Variants in CUBN observed in about 807,000 individuals in gnomAD.
CUBN encodes the protein 460 kDa receptor.
In CUBN, 282 loss-of-function variants were observed where a neutral mutation model predicts 405.3. The observed-to-expected ratio is 0.70, with a 90% CI of 0.63 to 0.77. The LOEUF (loss-of-function observed/expected upper bound fraction) is 0.77. Among genes scored for constraint, CUBN ranks in the 30% least tolerant of loss-of-function variants. The pLI, the probability that CUBN is intolerant of heterozygous loss-of-function variation, is 0.00. For missense variants in CUBN, 4,514 were observed against 4,475.2 expected, an observed-to-expected ratio of 1.01 and a Z score of -0.25; for synonymous variants, 1,684 against 1,617.0, an observed-to-expected ratio of 1.04 and a Z score of -0.99.
intron 57 of CUBN, among the ~76,000 whole-genome samples, chr10:16,876,351 T>C (rs920517718): frequency 3.3e-5 from 5 of 152,234 alleles, no homozygotes; most frequent in Non-Finnish European, 7.3e-5. Context: ...GTCCAGTCTA[T>C]TGCTCCTCTT....
chr10:16,907,681 T>C lies in CUBN; in HGVS notation c.7534-2A>G, dbSNP rs747907886. 3 of 1,611,814 alleles carry C rather than the reference T, an allele frequency of 1.9e-6. No individual in the cohort carries two copies. Among genetic ancestry groups the C allele is most frequent in the Non-Finnish European group, 2.5e-6 (3 of 1,179,776 alleles). On this transcript the variant is annotated splice_acceptor_variant, in intron 48 of 66. Coordinates refer to ENST00000377833, the MANE Select transcript of CUBN (RefSeq NM_001081.4). LOFTEE classifies it high-confidence loss of function. The stretch of plus-strand genomic sequence containing the variant: ...GTTACTTCTAATGCCATTGAATACC[T>C]GTTGGAAAAAGAGTTTAACCTTCAG...
At chr10:16,834,562 A>G (rs571376606) in intron 64 of CUBN, among the ~76,000 whole-genome samples, 1 of 152,344 alleles carries the variant, frequency 6.6e-6, no homozygotes, top group Non-Finnish European at 1.5e-5. Flanking sequence ...ACGATGCCCC[A>G]AACTTACTGT....
chr10:16,993,438 C>T (rs111269242), intron 28 of CUBN, among the ~76,000 whole-genome samples: 3,005 of 152,124 alleles, frequency 0.02, 37 homozygotes, highest in Non-Finnish European at 0.032. Flanking sequence ...TACTAATACC[C>T]TTAAATTGTC....
Position 16,900,776 on chromosome 10 carries a change from C to T in CUBN, c.8259G>A (p.Gly2753=), listed in dbSNP as rs2131420704. 6.2e-7 allele frequency: 1 copy of T among 1,613,954 alleles called. No homozygotes were observed. The highest frequency in any genetic ancestry group is 1.3e-5 in the African/African-American group (1 of 74,988). Residue 2753 remains glycine, a synonymous_variant, in exon 53 of 67, where the codon GGG becomes GGA. Coordinates refer to ENST00000377833, the MANE Select transcript of CUBN (RefSeq NM_001081.4). ...AWDSVTVRNG[G]SPESPIIGQY... ...GTCCTATGATGGGTGATTCAGGGGA[C>T]CCACCATTCCTGACAGTGACAGAGT...
Position 16,933,279 on chromosome 10 carries a change from A to T in CUBN, c.5932T>A (p.Cys1978Ser), listed in dbSNP as rs1378026742. The T allele has an allele frequency of 6.2e-7, 1 of 1,613,324 alleles. No individual in the cohort carries two copies. The highest frequency in any genetic ancestry group is 1.3e-5 in the African/African-American group (1 of 74,896). Residue 1978 changes from cysteine (C) to serine (S), a missense_variant, in exon 40 of 67, where the codon TGT (cysteine) becomes AGT (serine). Cys to Ser is a moderately radical substitution (Grantham distance 112). Coordinates refer to ENST00000377833, the MANE Select transcript of CUBN (RefSeq NM_001081.4). ...GVLPTIAPGA[C>S]GGFLRTGDAP... The stretch of plus-strand genomic sequence containing the variant: ...TCTCCCGTCCTCAGGAAGCCACCAC[A>T]AGCACCTGTAGAATAGAAAGCAACA...
At chr10:16,898,855 G>GTTTCTCAC in intron 54 of CUBN, 141 bp downstream of exon 54, 1 of 703,758 alleles carries the variant, frequency 1.4e-6, no homozygotes. Flanking sequence ...AACAGTTGAG[G>GTTTCTCAC]TTTCTCACTT....
intron 22 of CUBN, 42 bp from the exon 23 acceptor site, chr10:17,047,645 T>C (rs1170724934): frequency 1.4e-5 from 21 of 1,542,278 alleles, no homozygotes; most frequent in African/African-American, 4.1e-5. Flanking sequence ...ATAGAAAATA[T>C]TGATATGTTT....
At chr10:16,996,276 T>C (rs1005088869) in intron 28 of CUBN, among the ~76,000 whole-genome samples, 1 of 152,242 alleles carries the variant, frequency 6.6e-6, no homozygotes, top group Non-Finnish European at 1.5e-5. Context: ...GAGAAGCCTA[T>C]GTTTTTCAGT....
chr10:16,948,790 A>G (rs1215195583), intron 34 of CUBN, among the ~76,000 whole-genome samples, 184 bp from the exon 35 acceptor site: 1 of 152,184 alleles, frequency 6.6e-6, no homozygotes. Context: ...AATAAACTAT[A>G]TATAGGAGCT....
intron 49 of CUBN, among the ~76,000 whole-genome samples, chr10:16,906,740 C>T (rs1841566755): frequency 6.6e-6 from 1 of 152,148 alleles, no homozygotes; most frequent in Non-Finnish European, 1.5e-5. Context: ...ATAATGGTGG[C>T]AGGTCCTAAT....
intron 49 of CUBN, 149 bp downstream of exon 49, chr10:16,907,359 T>C (rs1422384492): frequency 1.5e-5 from 12 of 797,158 alleles, no homozygotes; most frequent in Admixed American, 2.7e-5. Flanking sequence ...GCAGTGCGTT[T>C]TTCATCTGCT....
rs151054315 is a variant in CUBN, at chr10:16,868,551, G to T, written c.9454+1085C>A. Among the ~76,000 whole-genome samples the T allele has an allele frequency of 9.0e-4, 137 of 152,230 alleles. 1 individual carries two copies. Among genetic ancestry groups the T allele is most frequent in the Non-Finnish European group, 1.1e-3 (73 of 68,016 alleles). ...AAGGATCAAAACACTTTCCAGAGTC[G>T]AATATTAATGATCTTAGACTGTGTC... is the stretch of plus-strand genomic sequence containing the variant. On this transcript the variant is annotated intron_variant, in intron 59 of 66. Transcript: ENST00000377833.
chr10:16,911,088 G>A (rs1176301018), intron 48 of CUBN, among the ~76,000 whole-genome samples: 3 of 152,182 alleles, frequency 2.0e-5, no homozygotes, highest in African/African-American at 4.8e-5. Flanking sequence ...GGATATTACT[G>A]AGGAAAAGAA....
chr10:17,114,820 C>T (rs1836851519), intron 7 of CUBN, among the ~76,000 whole-genome samples: 1 of 152,164 alleles, frequency 6.6e-6, no homozygotes, highest in Non-Finnish European at 1.5e-5. Flanking sequence ...AAAAGTCAGA[C>T]TCCTTGAAAC....
intron 63 of CUBN, 86 bp from the exon 64 acceptor site, chr10:16,835,281 T>C (rs1218117129): frequency 3.4e-6 from 4 of 1,177,116 alleles, no homozygotes; most frequent in African/African-American, 1.5e-5. Context: ...AAAAAGATCA[T>C]TGCATTTGAT....
intron 22 of CUBN, among the ~76,000 whole-genome samples, chr10:17,061,207 T>A (rs141585737): frequency 3.3e-5 from 5 of 152,310 alleles, no homozygotes; most frequent in Non-Finnish European, 7.3e-5. Context: ...GTACTTTCCA[T>A]CATGAGCAGT....
At chr10:16,889,901 C>A (rs1400012445) in intron 55 of CUBN, among the ~76,000 whole-genome samples, 2 of 141,334 alleles carry the variant, frequency 1.4e-5, no homozygotes, top group Admixed American at 6.9e-5. Context: ...TGCACCACTG[C>A]ACTCCAGCCT....
intron 17 of CUBN, among the ~76,000 whole-genome samples, chr10:17,076,758 A>G (rs1835863920): frequency 6.6e-6 from 1 of 152,144 alleles, no homozygotes; most frequent in Admixed American, 6.5e-5. Context: ...TAATTCAACC[A>G]TCTTTTACTT....
intron 59 of CUBN, among the ~76,000 whole-genome samples, chr10:16,861,149 T>C (rs1444014948): frequency 1.3e-5 from 2 of 152,064 alleles, no homozygotes; most frequent in East Asian, 3.9e-4. Context: ...AGATTGTCCA[T>C]TTTCCCAATG....
Sources: allele counts gnomAD v4.1 joint callset (sites outside exome capture counted in the v4.1 genomes callset), GRCh38; gene constraint gnomAD v4.1.1; transcripts MANE v1.5; gene names NCBI Gene and HGNC (gene_info 2026-07-23, HGNC 2026-07-21).